Variants in RPL22L1 observed in about 807,000 individuals in gnomAD.
RPL22L1 encodes the protein ribosomal protein eL22-like.
In RPL22L1, 19 loss-of-function variants were observed where a neutral mutation model predicts 17.3. The ratio of observed to expected loss-of-function variants is 1.10; its 90% confidence interval spans 0.77 to 1.61. RPL22L1 has a LOEUF of 1.61. Ranked by LOEUF, RPL22L1 falls within the 40% of genes most tolerant of loss-of-function variation. RPL22L1 has a pLI of 0.00. For synonymous variants in RPL22L1, 48 were observed against 48.5 expected, an observed-to-expected ratio of 0.99 and a Z score of 0.05; for missense variants, 139 against 144.4, an observed-to-expected ratio of 0.96 and a Z score of 0.19.
intron 1 of RPL22L1, among the ~76,000 whole-genome samples, 161 bp from the exon 2 acceptor site, chr3:170,868,551 G>C (rs528731091): frequency 6.6e-6 from 1 of 152,026 alleles, no homozygotes; most frequent in Admixed American, 6.5e-5. Flanking sequence ...TACCCACGCC[G>C]GGGTTGATTT....
chr3:170,866,521 A>T lies in RPL22L1; in HGVS notation c.228T>A (p.Tyr76Ter). ...VVSEKQFSKR[Y>*]LKYLTKKYLK... The stretch of plus-strand genomic sequence containing the variant: ...GGTATTTCTTGGTAAGGTATTTCAA[A>T]TACCTTTTAAAATAAAAACATAAAT... Residue 76 changes from tyrosine to a stop codon, truncating the protein, a stop_gained, in exon 4 of 4, where the codon TAT becomes TAA. Coordinates refer to ENST00000295830, the MANE Select transcript of RPL22L1 (RefSeq NM_001099645.2). LOFTEE classifies it high-confidence loss of function. The T allele has an allele frequency of 6.5e-7, 1 of 1,538,482 alleles. No homozygotes were observed.
At chr3:170,867,782 A>T (rs1711823643) in intron 3 of RPL22L1, among the ~76,000 whole-genome samples, 1 of 152,120 alleles carries the variant, frequency 6.6e-6, no homozygotes, top group Non-Finnish European at 1.5e-5. Flanking sequence ...AGGGCCTATA[A>T]TTTACTGGAC....
intron 3 of RPL22L1, among the ~76,000 whole-genome samples, chr3:170,867,350 G>A (rs969950231): frequency 1.3e-5 from 2 of 152,136 alleles, no homozygotes; most frequent in South Asian, 2.1e-4. Flanking sequence ...CCAGGCTTCT[G>A]GTTCATCCTG....
At chr3:170,866,734 T>G (rs1326491367) in intron 3 of RPL22L1, among the ~76,000 whole-genome samples, 1 of 152,166 alleles carries the variant, frequency 6.6e-6, no homozygotes, top group Non-Finnish European at 1.5e-5. Flanking sequence ...TGTTCAAGAT[T>G]GTTAGGGTAG....
intron 3 of RPL22L1, 136 bp from the exon 4 acceptor site, chr3:170,866,660 C>G: frequency 1.6e-6 from 1 of 623,116 alleles, no homozygotes; most frequent in Non-Finnish European, 2.7e-6. Flanking sequence ...TCCTTCCATT[C>G]ACAGGATGTA....
In RPL22L1 at chr3:170,865,565, A is replaced by C. The variant is rs370535214; in HGVS notation, c.*815T>G. On this transcript the variant is annotated 3_prime_UTR_variant, in exon 4 of 4. Transcript: ENST00000295830. ...AGACAAGATTCCAACCGAGTGAACT[A>C]ATTTTTTCAGACAAGGACCACAGTA... 1 of 152,198 alleles carries C rather than the reference A, an allele frequency of 6.6e-6. No individual in the cohort carries two copies. Among genetic ancestry groups the C allele is most frequent in the East Asian group, 1.9e-4 (1 of 5,200 alleles). 9.4% of individuals were successfully genotyped at this position (152,198 alleles called of 1,614,324 possible).
At chr3:170,867,981 A>G (rs1427059980) in intron 3 of RPL22L1, 32 bp downstream of exon 3, 1 of 1,490,038 alleles carries the variant, frequency 6.7e-7, no homozygotes, top group East Asian at 2.3e-5. Flanking sequence ...CAAAACTACT[A>G]TAGTTTTATT....
chr3:170,869,568 C>CA (rs1230327390), intron 1 of RPL22L1, among the ~76,000 whole-genome samples: 1 of 152,224 alleles, frequency 6.6e-6, no homozygotes, highest in Non-Finnish European at 1.5e-5. Context: ...AACATTTTAA[C>CA]ATCTTACTGG....
chr3:170,865,268 A>C lies in RPL22L1; in HGVS notation c.*1112T>G, dbSNP rs1711700489. 6.6e-6 allele frequency: 1 copy of C among 152,240 alleles called. No homozygotes were observed. The highest frequency in any genetic ancestry group is 2.4e-5 in the African/African-American group (1 of 41,468). The allele number at this position is 152,240 out of a possible 1,614,324, so 9.4% of individuals were successfully genotyped here. On this transcript the variant is annotated 3_prime_UTR_variant, in exon 4 of 4. Coordinates refer to ENST00000295830, the MANE Select transcript of RPL22L1 (RefSeq NM_001099645.2). ...TGCATAGATTAGGTTGTAACTGTCC[A>C]GATATGTTTGGCGACACAATTCTAT...
Position 170,865,094 on chromosome 3 carries a change from CAG to C in RPL22L1, c.*1284_*1285del. On this transcript the variant is annotated 3_prime_UTR_variant, in exon 4 of 4. Transcript: ENST00000295830. Reference sequence around the variant, plus strand: ...AACATGAAAAATGGGAACAATGGGGCAGAGCCAAGTTAGGAAGTTCAGTCATC... The same window carrying C: ...AACATGAAAAATGGGAACAATGGGGCAGCCAAGTTAGGAAGTTCAGTCATC... 6.6e-6 allele frequency: 1 copy of C among 152,344 alleles called. No homozygotes were observed. Among genetic ancestry groups the C allele is most frequent in the South Asian group, 2.1e-4 (1 of 4,826 alleles). The allele number at this position is 152,344 out of a possible 1,614,324, so 9.4% of individuals were successfully genotyped here. A position where few individuals can be genotyped will look rare whatever the true frequency, so the allele number is the denominator to read the frequency against.
At chr3:170,867,954 T>C in intron 3 of RPL22L1, 59 bp downstream of exon 3, 1 of 1,326,834 alleles carries the variant, frequency 7.5e-7, no homozygotes, top group Non-Finnish European at 1.0e-6. Flanking sequence ...AATAACTACA[T>C]ATTCTATGAA....
At position 170,865,823 on chromosome 3, in the gene RPL22L1, C is replaced by A. The variant is rs1176886913; in HGVS notation, c.*557G>T. 6.6e-6 allele frequency: 1 copy of A among 152,302 alleles called. No homozygotes were observed. The highest frequency in any genetic ancestry group is 2.4e-5 in the African/African-American group (1 of 41,440). The allele number at this position is 152,302 out of a possible 1,614,324, so 9.4% of individuals were successfully genotyped here. A position where few individuals can be genotyped will look rare whatever the true frequency, so the allele number is the denominator to read the frequency against. ...CAGTATTTGAGACTGTCAAGACAAT[C>A]ATATACATTTTATACAGCTATATAA... On this transcript the variant is annotated 3_prime_UTR_variant, in exon 4 of 4. Coordinates refer to ENST00000295830, the MANE Select transcript of RPL22L1 (RefSeq NM_001099645.2).
Position 170,870,152 on chromosome 3 carries a change from C to G in RPL22L1, c.9+7G>C. ...ACAACACTCCCACCAAGACATCGCT[C>G]ACTCACCGGCGCCATCTTGCGAGTC... On this transcript the variant is annotated splice_region_variant and intron_variant, in intron 1 of 3. Transcript: ENST00000295830. The G allele has an allele frequency of 6.2e-7, 1 of 1,613,980 alleles. No homozygotes were observed. Among genetic ancestry groups the G allele is most frequent in the Non-Finnish European group, 8.5e-7 (1 of 1,179,900 alleles).
At chr3:170,870,022 G>A (rs1297632104) in intron 1 of RPL22L1, 137 bp downstream of exon 1, 1 of 1,269,472 alleles carries the variant, frequency 7.9e-7, no homozygotes, top group South Asian at 1.3e-5. Context: ...CGTCTTGGTT[G>A]TGTTTCTGAC....
In RPL22L1 at chr3:170,866,508, T is replaced by G; in HGVS notation, c.241A>C (p.Thr81Pro). The part of the protein sequence containing the change: ...QFSKRYLKYL[T>P]KKYLKKNNLR... ...TTGTTCTTCTTAAGGTATTTCTTGG[T>G]AAGGTATTTCAAATACCTTTTAAAA... The change falls in exon 4 of 4, where the codon ACC becomes CCC. Residue 81 changes from threonine (T) to proline (P), a missense_variant. Transcript: ENST00000295830. 6.4e-7 allele frequency: 1 copy of G among 1,554,172 alleles called. No homozygotes were observed. Among genetic ancestry groups the G allele is most frequent in the Non-Finnish European group, 8.7e-7 (1 of 1,147,682 alleles).
intron 2 of RPL22L1, 38 bp from the exon 3 acceptor site, chr3:170,868,172 G>C: frequency 6.3e-7 from 1 of 1,593,150 alleles, no homozygotes; most frequent in East Asian, 2.3e-5. Context: ...CTAGGGAAGA[G>C]AACCCTAGAT....
intron 3 of RPL22L1, among the ~76,000 whole-genome samples, chr3:170,867,318 T>A (rs1711809597): frequency 6.6e-6 from 1 of 152,352 alleles, no homozygotes; most frequent in Non-Finnish European, 1.5e-5. Context: ...CACACTGGCT[T>A]TGTTACTATT....
intron 1 of RPL22L1, among the ~76,000 whole-genome samples, chr3:170,869,067 G>C (rs1313736315): frequency 6.7e-6 from 1 of 149,018 alleles, no homozygotes; most frequent in Non-Finnish European, 1.5e-5. Flanking sequence ...GTTGTAGTGA[G>C]CCTGATCATG....
Position 170,865,124 on chromosome 3 carries a change from A to T in RPL22L1, c.*1256T>A, listed in dbSNP as rs1426898120. On this transcript the variant is annotated 3_prime_UTR_variant, in exon 4 of 4. Transcript: ENST00000295830. The stretch of plus-strand genomic sequence containing the variant: ...CCAAGTTAGGAAGTTCAGTCATCCA[A>T]GAATCAAGGAGTTGCTGCACTGAGG... The T allele has an allele frequency of 6.6e-6, 1 of 152,248 alleles. No individual in the cohort carries two copies. Among genetic ancestry groups the T allele is most frequent in the Admixed American group, 6.5e-5 (1 of 15,292 alleles). 9.4% of individuals were successfully genotyped at this position (152,248 alleles called of 1,614,324 possible).
Sources: allele counts gnomAD v4.1 joint callset (sites outside exome capture counted in the v4.1 genomes callset), GRCh38; gene constraint gnomAD v4.1.1; transcripts MANE v1.5; gene names NCBI Gene and HGNC (gene_info 2026-07-23, HGNC 2026-07-21).